The following TDRD9 variants were observed in gnomAD, a reference collection of about 807,000 sequenced individuals.
TDRD9 encodes tudor domain containing 9, also known as ATP-dependent RNA helicase TDRD9.
A neutral mutation model predicts 172.6 loss-of-function variants in TDRD9; 124 were observed. The ratio of observed to expected loss-of-function variants is 0.72; its 90% CI spans 0.62 to 0.83. TDRD9 has a LOEUF of 0.83. Among genes scored for constraint, TDRD9 ranks in the 40% least tolerant of loss-of-function variants. The pLI is 0.00. For missense variants in TDRD9, 1,479 were observed against 1,714.1 expected (o/e 0.86, Z 2.42); for synonymous variants, 619 against 617.1 (o/e 1.00, Z -0.05).
intron 1 of TDRD9, among the ~76,000 whole-genome samples, chr14:103,955,094 C>G (rs915655825): frequency 6.7e-6 from 1 of 150,142 alleles, no homozygotes; most frequent in Non-Finnish European, 1.5e-5. Context: ...CGGCTCATTT[C>G]TATATTTTTT....
At chr14:103,984,910 G>C (rs774013877) in intron 7 of TDRD9, among the ~76,000 whole-genome samples, 5 of 152,206 alleles carry the variant, frequency 3.3e-5, no homozygotes, top group Admixed American at 6.5e-5. Flanking sequence ...CCCAGCTCTT[G>C]CATCAGTGTG....
chr14:103,969,423 C>T (rs2032922309), intron 5 of TDRD9, among the ~76,000 whole-genome samples: 1 of 152,082 alleles, frequency 6.6e-6, no homozygotes, highest in Non-Finnish European at 1.5e-5. Context: ...GATTTTTCTT[C>T]TCAAGTAAAA....
intron 13 of TDRD9, among the ~76,000 whole-genome samples, chr14:104,001,203 C>T (rs948169722): frequency 2.2e-4 from 33 of 152,208 alleles, no homozygotes; most frequent in African/African-American, 7.7e-4. Context: ...CAGGGGTGGC[C>T]CTGTGCTGCC....
chr14:104,043,169 G>T lies in TDRD9; in HGVS notation c.3974+982G>T, dbSNP rs147258861. Among the ~76,000 whole-genome samples the T allele has an allele frequency of 5.0e-3, 763 of 151,676 alleles. 8 individuals carry two copies. Among genetic ancestry groups the T allele is most frequent in the African/African-American group, 0.018 (739 of 41,354 alleles). ...CTCCCTAGTAGCAGGGGCTACAGGT[G>T]TGCACCACCACACCTGGCTAATTTT... is the stretch of plus-strand genomic sequence containing the variant. On this transcript the variant is annotated intron_variant, in intron 34 of 35. Transcript: ENST00000409874.
chr14:104,006,694 A>G lies in TDRD9; in HGVS notation c.1928A>G (p.His643Arg). 6.2e-7 allele frequency: 1 copy of G among 1,613,986 alleles called. No homozygotes were observed. The highest frequency in any genetic ancestry group is 8.5e-7 in the Non-Finnish European group (1 of 1,179,868). The change falls in exon 17 of 36, where the codon CAT becomes CGT. Residue 643 changes from histidine to arginine, a missense_variant. By Grantham distance (29) the His-to-Arg change is conservative. Coordinates refer to ENST00000409874, the MANE Select transcript of TDRD9 (RefSeq NM_153046.3). ...KNFFAMPFRQ[H>R]LDGYRNKVNF... The stretch of plus-strand genomic sequence containing the variant: ...TTTTTTGCAATGCCTTTCCGGCAGC[A>G]TCTCGATGGATATAGGTACTGAACA...
chr14:104,006,939 T>G, intron 18 of TDRD9, 94 bp downstream of exon 18: 1 of 1,148,278 alleles, frequency 8.7e-7, no homozygotes, highest in Non-Finnish European at 1.3e-6. Flanking sequence ...ACAGACAATG[T>G]TTTATCTAGT....
In TDRD9 at chr14:103,938,432, A is replaced by ATTTTTTT. The variant is rs1343962171; in HGVS notation, c.215+9709_215+9710insTTTTTTT. 1.3e-3 allele frequency among the ~76,000 whole-genome samples: 48 copies of ATTTTTTT among 37,144 alleles called. 8 individuals carry two copies. Among genetic ancestry groups the ATTTTTTT allele is most frequent in the African/African-American group, 4.3e-3 (41 of 9,448 alleles). 24.4% of individuals were successfully genotyped at this position (37,144 alleles called of 152,430 possible). A position where few individuals can be genotyped will look rare whatever the true frequency, so the allele number is the denominator to read the frequency against. Reference sequence around the variant, plus strand: ...TGTGTGTGTATATATATATATATATATATATATATTTTTTTTTTTTTTTTG... The same window carrying ATTTTTTT: ...TGTGTGTGTATATATATATATATATATTTTTTTTATATATATTTTTTTTTTTTTTTTG... On this transcript the variant is annotated intron_variant, in intron 1 of 35. Coordinates refer to ENST00000409874, the MANE Select transcript of TDRD9 (RefSeq NM_153046.3).
At chr14:103,972,173 G>C (rs1383296542) in intron 6 of TDRD9, among the ~76,000 whole-genome samples, 1 of 151,976 alleles carries the variant, frequency 6.6e-6, no homozygotes, top group Non-Finnish European at 1.5e-5. Flanking sequence ...CGGGCGTGGT[G>C]GCGGGCGCCT....
chr14:104,009,144 T>C (rs983541216), intron 20 of TDRD9, among the ~76,000 whole-genome samples: 2 of 152,242 alleles, frequency 1.3e-5, no homozygotes, highest in African/African-American at 2.4e-5. Flanking sequence ...AGCATGTGAC[T>C]GTATTGAACA....
chr14:103,966,176 C>T lies in TDRD9; in HGVS notation c.643-533C>T, dbSNP rs147416859. ...TGAAACCCCCTCTCTACTAAAAATACAAAAATTAGCCAGGCATGATGGCAC... is the reference window on the plus strand; with the variant it reads ...TGAAACCCCCTCTCTACTAAAAATATAAAAATTAGCCAGGCATGATGGCAC... On this transcript the variant is annotated intron_variant, in intron 4 of 35. Coordinates refer to ENST00000409874, the MANE Select transcript of TDRD9 (RefSeq NM_153046.3). 1.9e-3 allele frequency among the ~76,000 whole-genome samples: 288 copies of T among 152,016 alleles called. 1 individual carries two copies. The highest frequency in any genetic ancestry group is 6.8e-3 in the African/African-American group (281 of 41,476).
intron 12 of TDRD9, among the ~76,000 whole-genome samples, chr14:103,996,212 A>T (rs147380612): frequency 5.3e-5 from 8 of 152,286 alleles, no homozygotes; most frequent in African/African-American, 1.9e-4. Flanking sequence ...TCTTCCACAT[A>T]TGTGTCTGTA....
Position 104,006,519 on chromosome 14 carries a change from A to G in TDRD9, c.1844A>G (p.His615Arg), listed in dbSNP as rs769629106. 6.2e-7 allele frequency: 1 copy of G among 1,613,914 alleles called. No individual in the cohort carries two copies. Among genetic ancestry groups the G allele is most frequent in the Non-Finnish European group, 8.5e-7 (1 of 1,179,814 alleles). Residue 615 changes from histidine (H) to arginine (R), a missense_variant, in exon 16 of 36, where the codon CAT (histidine) becomes CGT (arginine). Physicochemically the swap from His to Arg is conservative, Grantham distance 29. Transcript: ENST00000409874. ...CTTGGTAAACTCATAGTCCTTGGAC[A>G]TGTATTTGGATGTCTAGATGAATGT... ...QQLGKLIVLG[H>R]VFGCLDECLI...
At position 104,052,035 on chromosome 14, in the gene TDRD9, A is replaced by G; in HGVS notation, c.4102A>G (p.Asn1368Asp). ...QADRESSRGK[N>D]TFLYQLHKLV... is the part of the protein sequence containing the mutation. ...CGACCGTGAGAGCAGCAGAGGGAAG[A>G]ACACCTTTCTCTACCAGCTCCACAA... Residue 1368 changes from asparagine (N) to aspartate (D), a missense_variant, in exon 36 of 36, where the codon AAC (asparagine) becomes GAC (aspartate). Around this residue, in one of 3 missense-constraint regions of TDRD9, gnomAD observed 1,413 missense variants for 1,649.1 expected, o/e 0.86. Transcript: ENST00000409874. The G allele has an allele frequency of 6.3e-7, 1 of 1,594,844 alleles. No homozygotes were observed. The highest frequency in any genetic ancestry group is 1.3e-5 in the African/African-American group (1 of 74,688).
chr14:104,004,299 C>G lies in TDRD9; in HGVS notation c.1545C>G (p.Asp515Glu). The change falls in exon 14 of 36, where the codon GAC becomes GAG. Residue 515 changes from aspartate (D) to glutamate (E), a missense_variant. By Grantham distance (45) the Asp-to-Glu change is conservative. Coordinates refer to ENST00000409874, the MANE Select transcript of TDRD9 (RefSeq NM_153046.3). The stretch of plus-strand genomic sequence containing the variant: ...GGCTGGTACACAAGGATTTCTGGGA[C>G]AACTCCATCCCTGATCATGTTGTTC... ...CYRLVHKDFW[D>E]NSIPDHVVPE... is the part of the protein sequence containing the mutation. The G allele has an allele frequency of 6.2e-7, 1 of 1,603,894 alleles. No individual in the cohort carries two copies. Among genetic ancestry groups the G allele is most frequent in the South Asian group, 1.1e-5 (1 of 89,742 alleles).
intron 30 of TDRD9, among the ~76,000 whole-genome samples, chr14:104,032,300 A>G (rs8019947): frequency 0.94 from 143,564 of 152,058 alleles, 68,321 homozygotes; most frequent in East Asian, 1. Flanking sequence ...TCCGCCTCCC[A>G]GATTCAAGCA....
chr14:104,032,010 C>T lies in TDRD9; in HGVS notation c.3439-7C>T, dbSNP rs1287021739. ...TTGGTAACACTTCCTATATTTTGTG[C>T]ACGCAGGCAGAACTTCACGGGCCTT... On this transcript the variant is annotated splice_region_variant and splice_polypyrimidine_tract_variant and intron_variant, in intron 29 of 35. Transcript: ENST00000409874. 1 of 1,540,552 alleles carries T rather than the reference C, an allele frequency of 6.5e-7. No homozygotes were observed. Among genetic ancestry groups the T allele is most frequent in the Non-Finnish European group, 8.8e-7 (1 of 1,142,466 alleles).
chr14:104,030,148 TA>T lies in TDRD9; in HGVS notation c.3283-955del, dbSNP rs2035238796. Among the ~76,000 whole-genome samples the T allele has an allele frequency of 2.0e-5, 3 of 152,260 alleles. No individual in the cohort carries two copies. The East Asian group carries it at 5.8e-4, about 29-fold the overall frequency. ...AAATTTTACATACAAAAAAGTCCTGTAAAAATGTTTCTTTCTTGCAAACGAT... is the reference window on the plus strand; with the variant it reads ...AAATTTTACATACAAAAAAGTCCTGTAAAATGTTTCTTTCTTGCAAACGAT... On this transcript the variant is annotated intron_variant, in intron 28 of 35. Coordinates refer to ENST00000409874, the MANE Select transcript of TDRD9 (RefSeq NM_153046.3).
rs1252965394 is a variant in TDRD9 at position 103,991,028 on chromosome 14, A to G, written c.1116-132A>G. 3 of 1,047,008 alleles carry G rather than the reference A, an allele frequency of 2.9e-6. No individual in the cohort carries two copies. In the African/African-American group the frequency reaches 4.8e-5, roughly 17 times the overall value. 64.9% of individuals were successfully genotyped at this position (1,047,008 alleles called of 1,614,324 possible). A position where few individuals can be genotyped will look rare whatever the true frequency, so the allele number is the denominator to read the frequency against. ...TTTTGGGCTTCGTGTTTTCTTATGTAAAATAAGGAACATTACATTGGATGA... is the reference window on the plus strand; with the variant it reads ...TTTTGGGCTTCGTGTTTTCTTATGTGAAATAAGGAACATTACATTGGATGA... On this transcript the variant is annotated intron_variant, in intron 8 of 35. Transcript: ENST00000409874.
rs2035268547 is a variant in TDRD9 at position 104,031,190 on chromosome 14, A to G, written c.3365A>G (p.Asp1122Gly). ...GGCTCTGTGCCCTTTCCCATGAAAG[A>G]CGACGAGAAATATCTCATCCGGATT... is the stretch of plus-strand genomic sequence containing the variant. ...TDGSVPFPMKDDEKYLIRILL... is the reference protein window; with the variant it reads ...TDGSVPFPMKGDEKYLIRILL... Residue 1122 changes from aspartate (D) to glycine (G), a missense_variant, in exon 29 of 36, where the codon GAC (aspartate) becomes GGC (glycine). Asp to Gly is a moderately conservative substitution (Grantham distance 94, BLOSUM62 -1). Coordinates refer to ENST00000409874, the MANE Select transcript of TDRD9 (RefSeq NM_153046.3). 1.3e-6 allele frequency: 2 copies of G among 1,551,688 alleles called. No individual in the cohort carries two copies. The highest frequency in any genetic ancestry group is 1.7e-6 in the Non-Finnish European group (2 of 1,146,978).
Sources: gnomAD v4.1 joint callset for allele counts (sites outside exome capture counted in the v4.1 genomes callset) on GRCh38, gnomAD v4.1.1 for gene constraint, gnomAD v4.1.1 regional missense constraint, MANE v1.5 for transcripts, NCBI Gene and HGNC (gene_info 2026-07-23, HGNC 2026-07-21) for gene names.